The following PRKCE variants were observed in gnomAD, a reference collection of about 807,000 sequenced individuals.
The protein encoded by PRKCE is protein kinase C epsilon.
In PRKCE, 16 loss-of-function variants were observed where a neutral mutation model predicts 85.4. The ratio of observed to expected loss-of-function variants is 0.19; its 90% CI spans 0.13 to 0.28. The LOEUF (loss-of-function observed/expected upper bound fraction) is 0.28. PRKCE is among the 10% of genes least tolerant of loss of function. The pLI is 1.00. For missense variants in PRKCE, 573 were observed against 975.2 expected (o/e 0.59, Z 5.49); for synonymous variants, 388 against 371.5 (o/e 1.04, Z -0.51).
Position 45,652,501 on chromosome 2 carries a change from GA to G in PRKCE, c.348+56del. On this transcript the variant is annotated intron_variant, in intron 1 of 14. Coordinates refer to ENST00000306156, the MANE Select transcript of PRKCE (RefSeq NM_005400.3). This position sits in a 1 kb window ranked among gnomAD's most constrained non-coding sequence, Gnocchi z 7.7. Reference sequence around the variant, plus strand: ...GGGAACCCGGTTGTGGGGTCCCGGGGAAAGACTCGCTGGTCTTGATCGTAGG... The same window carrying G: ...GGGAACCCGGTTGTGGGGTCCCGGGGAAGACTCGCTGGTCTTGATCGTAGG... The G allele has an allele frequency of 6.8e-7, 1 of 1,480,312 alleles. No homozygotes were observed. Among genetic ancestry groups the G allele is most frequent in the Non-Finnish European group, 9.1e-7 (1 of 1,097,612 alleles). The allele number at this position is 1,480,312 out of a possible 1,614,324, so 91.7% of individuals were successfully genotyped here. A position where few individuals can be genotyped will look rare whatever the true frequency, so the allele number is the denominator to read the frequency against.
At chr2:46,011,733 G>A (rs905825424) in intron 10 of PRKCE, among the ~76,000 whole-genome samples, 1 of 152,004 alleles carries the variant, frequency 6.6e-6, no homozygotes, top group African/African-American at 2.4e-5. Flanking sequence ...CTACTTTTCC[G>A]AACTTATTTG....
chr2:46,055,344 C>T (rs773455346), intron 10 of PRKCE, among the ~76,000 whole-genome samples: 3 of 152,330 alleles, frequency 2.0e-5, no homozygotes, highest in South Asian at 2.1e-4. Context: ...TGGAACTCAG[C>T]GGGACCAGGT....
chr2:46,089,464 C>T (rs538125181), intron 11 of PRKCE, among the ~76,000 whole-genome samples: 1 of 152,312 alleles, frequency 6.6e-6, no homozygotes, highest in South Asian at 2.1e-4. Flanking sequence ...GTCTATCCAT[C>T]CACCTCCCCT....
At chr2:45,706,645 C>T (rs1020357658) in intron 1 of PRKCE, among the ~76,000 whole-genome samples, 1 of 152,172 alleles carries the variant, frequency 6.6e-6, no homozygotes, top group African/African-American at 2.4e-5. Context: ...TATCTTCTCT[C>T]CTGTTTATCC....
intron 2 of PRKCE, among the ~76,000 whole-genome samples, chr2:45,875,851 C>T (rs1694436260): frequency 6.6e-6 from 1 of 152,160 alleles, no homozygotes; most frequent in African/African-American, 2.4e-5. Flanking sequence ...TGGATCTCCT[C>T]CTACTTGAAG....
chr2:45,868,717 G>T lies in PRKCE; in HGVS notation c.412+25654G>T, dbSNP rs1160905202. On this transcript the variant is annotated intron_variant, in intron 2 of 14. Transcript: ENST00000306156. ...GGAGGCAGGCCGAGGTGGGCGGATCGTCTGAGGTCAGGAGTTCAAGACCAG... is the reference window on the plus strand; with the variant it reads ...GGAGGCAGGCCGAGGTGGGCGGATCTTCTGAGGTCAGGAGTTCAAGACCAG... Among the ~76,000 whole-genome samples, 3 of 145,810 alleles carry T rather than the reference G, an allele frequency of 2.1e-5. No homozygotes were observed. In the East Asian group the frequency reaches 6.5e-4, roughly 32 times the overall value.
At chr2:45,654,856 G>T (rs539470509) in intron 1 of PRKCE, among the ~76,000 whole-genome samples, 1 of 152,132 alleles carries the variant, frequency 6.6e-6, no homozygotes, top group Admixed American at 6.5e-5. Flanking sequence ...GAGACAAGTT[G>T]CAGCTGGGCT....
intron 2 of PRKCE, among the ~76,000 whole-genome samples, chr2:45,965,775 G>A (rs184206756): frequency 4.6e-4 from 70 of 152,004 alleles, no homozygotes; most frequent in Admixed American, 2.8e-3. Flanking sequence ...GCTTATATGC[G>A]TTTGAGTGTA....
At chr2:45,654,307 A>T (rs1675280538) in intron 1 of PRKCE, among the ~76,000 whole-genome samples, 1 of 152,224 alleles carries the variant, frequency 6.6e-6, no homozygotes, top group Non-Finnish European at 1.5e-5. Context: ...CCCCACCTTC[A>T]TCCCTCCTAG....
At chr2:46,115,209 G>C (rs1379842340) in intron 11 of PRKCE, among the ~76,000 whole-genome samples, 1 of 152,230 alleles carries the variant, frequency 6.6e-6, no homozygotes, top group Non-Finnish European at 1.5e-5. Flanking sequence ...AAGAACAGAG[G>C]TGCTAAGCTC....
At chr2:46,064,988 A>G (rs1409804503) in intron 10 of PRKCE, among the ~76,000 whole-genome samples, 4 of 152,328 alleles carry the variant, frequency 2.6e-5, no homozygotes, top group African/African-American at 9.6e-5. Context: ...GAAATTTTTC[A>G]TGTTCTAGCT....
intron 2 of PRKCE, among the ~76,000 whole-genome samples, chr2:45,854,393 G>T (rs945575994): frequency 6.6e-6 from 1 of 152,164 alleles, no homozygotes; most frequent in Non-Finnish European, 1.5e-5. Flanking sequence ...GTCTATGAGG[G>T]TCTTGCTTAT....
chr2:45,937,681 C>T (rs1699567423), intron 2 of PRKCE, among the ~76,000 whole-genome samples: 1 of 151,974 alleles, frequency 6.6e-6, no homozygotes, highest in African/African-American at 2.4e-5. Context: ...TACCACTGCA[C>T]TCCAGCCTGG....
intron 2 of PRKCE, among the ~76,000 whole-genome samples, chr2:45,909,800 C>T (rs929421936): frequency 1.3e-5 from 2 of 152,218 alleles, no homozygotes; most frequent in African/African-American, 4.8e-5. Flanking sequence ...CCATACCTGT[C>T]TCTTTCCTTC....
intron 1 of PRKCE, among the ~76,000 whole-genome samples, chr2:45,745,813 A>G (rs1015653011): frequency 2.0e-5 from 3 of 152,052 alleles, no homozygotes; most frequent in African/African-American, 7.2e-5. Flanking sequence ...TCAGCGTTCC[A>G]GTTTCTGTAT....
intron 11 of PRKCE, among the ~76,000 whole-genome samples, chr2:46,134,133 G>A (rs888446920): frequency 1.3e-5 from 2 of 152,216 alleles, no homozygotes; most frequent in Admixed American, 6.5e-5. Context: ...GGAAATGTGT[G>A]TTCACATCAT....
chr2:45,814,202 G>A (rs1688856158), intron 1 of PRKCE, among the ~76,000 whole-genome samples: 1 of 152,170 alleles, frequency 6.6e-6, no homozygotes, highest in Non-Finnish European at 1.5e-5. Context: ...GTGCCAGGTT[G>A]AGAAAAATTT....
At chr2:45,657,771 C>T (rs1425906383) in intron 1 of PRKCE, among the ~76,000 whole-genome samples, 3 of 152,094 alleles carry the variant, frequency 2.0e-5, no homozygotes, top group Non-Finnish European at 4.4e-5. Context: ...AGGCCTATAC[C>T]CTGTTTGGAC....
intron 1 of PRKCE, among the ~76,000 whole-genome samples, chr2:45,755,063 G>A (rs1011762082): frequency 3.3e-5 from 5 of 152,172 alleles, no homozygotes. Flanking sequence ...GCCTGGAGGC[G>A]AGGGGAGTGT....
Sources: gnomAD v4.1 joint callset for allele counts (sites outside exome capture counted in the v4.1 genomes callset) on GRCh38, gnomAD v4.1.1 for gene constraint, Gnocchi (gnomAD v3.1) non-coding constraint, MANE v1.5 for transcripts, NCBI Gene and HGNC (gene_info 2026-07-23, HGNC 2026-07-21) for gene names.